XRCC4: variants seen among roughly 807,000 people sequenced by gnomAD.
The protein encoded by XRCC4 is DNA repair protein XRCC4.
Under a neutral mutation model 39.1 loss-of-function variants are expected in XRCC4, and 28 were observed. The observed-to-expected ratio is 0.72, with a 90% confidence interval of 0.53 to 0.98. XRCC4 has a LOEUF of 0.98. Among genes scored for constraint, XRCC4 ranks in the 50% least tolerant of loss-of-function variants. The probability of loss-of-function intolerance (pLI) is 0.00; values close to 1 mark genes in which losing one functional copy is unlikely to be tolerated. For missense variants in XRCC4, 350 were observed against 376.4 expected (o/e 0.93, Z 0.58); for synonymous variants, 123 against 126.4 (o/e 0.97, Z 0.18).
downstream of XRCC4, among the ~76,000 whole-genome samples, chr5:83,356,129 A>T (rs2112245411): frequency 6.6e-6 from 1 of 152,278 alleles, no homozygotes; most frequent in Middle Eastern, 3.4e-3. Flanking sequence ...ATATAATTAT[A>T]AACTATCAAA....
At chr5:83,192,319 A>ATTTTTTTTTTT (rs1554063299) in intron 3 of XRCC4, among the ~76,000 whole-genome samples, 2 of 143,500 alleles carry the variant, frequency 1.4e-5, no homozygotes, top group African/African-American at 5.2e-5. Flanking sequence ...ATATATATAT[A>ATTTTTTTTTTT]TTTTTTTGAG....
At chr5:83,204,964 T>A (rs914123934) in intron 6 of XRCC4, 43 bp downstream of exon 6, 1 of 1,336,208 alleles carries the variant, frequency 7.5e-7, no homozygotes, top group African/African-American at 1.4e-5. Context: ...AATATCTTAT[T>A]TGGGCTTCTT....
chr5:83,262,205 GAT>G (rs1753777029), intron 7 of XRCC4, among the ~76,000 whole-genome samples: 1 of 152,140 alleles, frequency 6.6e-6, no homozygotes, highest in South Asian at 2.1e-4. Flanking sequence ...GGCTCATAAA[GAT>G]ATAGTTCTTT....
At chr5:83,250,446 A>G (rs1458016303) in intron 6 of XRCC4, among the ~76,000 whole-genome samples, 4 of 152,218 alleles carry the variant, frequency 2.6e-5, no homozygotes, top group Non-Finnish European at 5.9e-5. Context: ...TTGAATATTT[A>G]TTGAGAAATT....
intron 3 of XRCC4, among the ~76,000 whole-genome samples, chr5:83,128,038 T>G (rs1747361530): frequency 6.6e-6 from 1 of 152,092 alleles, no homozygotes. Context: ...GTTTTTTACA[T>G]ATGTATACAT....
At chr5:83,370,854 C>A in the XRCC4 span, among the ~76,000 whole-genome samples, 1 of 152,174 alleles carries the variant, frequency 6.6e-6, no homozygotes, top group Non-Finnish European at 1.5e-5. Context: ...CATACCAAGT[C>A]TGTCTTCCTC....
intron 1 of XRCC4, among the ~76,000 whole-genome samples, chr5:83,086,670 C>G (rs1008357492): frequency 2.0e-5 from 3 of 152,022 alleles, no homozygotes; most frequent in Non-Finnish European, 4.4e-5. Context: ...GTTGGTGTAA[C>G]TTTTATTGAG....
chr5:83,098,483 A>G (rs896875255), intron 1 of XRCC4, among the ~76,000 whole-genome samples: 8 of 152,108 alleles, frequency 5.3e-5, no homozygotes, highest in African/African-American at 1.9e-4. Context: ...ATTAAAATGG[A>G]GTTAATTCTC....
At chr5:83,281,342 A>G (rs940035671) in intron 7 of XRCC4, among the ~76,000 whole-genome samples, 1 of 152,158 alleles carries the variant, frequency 6.6e-6, no homozygotes, top group Non-Finnish European at 1.5e-5. Flanking sequence ...GAGTCCCTAC[A>G]GTTCTCAAGA....
rs555094023 is a variant in XRCC4 at position 83,311,828 on chromosome 5, T to C, written c.894-41303T>C. On this transcript the variant is annotated intron_variant, in intron 7 of 7. Coordinates refer to ENST00000396027, the MANE Select transcript of XRCC4 (RefSeq NM_003401.5). ...AGTTTCTGTACCTATTTCTTCTTTA[T>C]AATAAAGGCTATTTATTAAATATTC... 2.0e-5 allele frequency among the ~76,000 whole-genome samples: 3 copies of C among 152,198 alleles called. No individual in the cohort carries two copies. In the East Asian group the frequency reaches 5.8e-4, roughly 29 times the overall value.
At chr5:83,233,622 T>C (rs867331680) in intron 6 of XRCC4, among the ~76,000 whole-genome samples, 2 of 151,734 alleles carry the variant, frequency 1.3e-5, no homozygotes, top group African/African-American at 2.4e-5. Flanking sequence ...GCACGGTGGC[T>C]CATGCCTGTA....
intron 7 of XRCC4, among the ~76,000 whole-genome samples, chr5:83,268,030 T>G (rs1228631575): frequency 6.6e-6 from 1 of 152,160 alleles, no homozygotes; most frequent in Non-Finnish European, 1.5e-5. Context: ...GAACAGAGCT[T>G]TACAAAAATT....
At chr5:83,302,499 G>A (rs1454377229) in intron 7 of XRCC4, among the ~76,000 whole-genome samples, 1 of 152,134 alleles carries the variant, frequency 6.6e-6, no homozygotes, top group Non-Finnish European at 1.5e-5. Context: ...CCCTGCTTCA[G>A]CTCTCCCTCT....
At chr5:83,309,266 CAAAAAAAAAAAA>C (rs59326460) in intron 7 of XRCC4, among the ~76,000 whole-genome samples, 5 of 17,386 alleles carry the variant, frequency 2.9e-4, no homozygotes, top group African/African-American at 6.4e-4. Context: ...GACTCCGTCT[CAAAAAAAAAAAA>C]AAAAAAAAAA....
At chr5:83,171,394 T>C (rs1318862148) in intron 3 of XRCC4, among the ~76,000 whole-genome samples, 1 of 152,140 alleles carries the variant, frequency 6.6e-6, no homozygotes, top group African/African-American at 2.4e-5. Context: ...GAGGACAAAA[T>C]ATAGTCTATA....
chr5:83,359,137 A>T, the XRCC4 span, among the ~76,000 whole-genome samples: 1 of 152,080 alleles, frequency 6.6e-6, no homozygotes, highest in South Asian at 2.1e-4. Flanking sequence ...CTTGCAAATG[A>T]CCCACGCTGC....
intron 7 of XRCC4, among the ~76,000 whole-genome samples, chr5:83,333,896 A>C (rs1263751273): frequency 6.6e-6 from 1 of 152,010 alleles, no homozygotes; most frequent in African/African-American, 2.4e-5. Context: ...CAGCCTTCCA[A>C]GTATCGGGGA....
chr5:83,210,704 A>C (rs1039967050), intron 6 of XRCC4, among the ~76,000 whole-genome samples: 2 of 152,214 alleles, frequency 1.3e-5, no homozygotes, highest in East Asian at 1.9e-4. Flanking sequence ...TTGTACATAC[A>C]TTCTCAAGAA....
chr5:83,113,427 C>A (rs1746543849), intron 3 of XRCC4, among the ~76,000 whole-genome samples: 1 of 152,172 alleles, frequency 6.6e-6, no homozygotes, highest in Non-Finnish European at 1.5e-5. Context: ...ACAGTGCAAG[C>A]TGTCGGTGGA....
Sources: gnomAD v4.1 joint callset for allele counts (sites outside exome capture counted in the v4.1 genomes callset) on GRCh38, gnomAD v4.1.1 for gene constraint, MANE v1.5 for transcripts, NCBI Gene and HGNC (gene_info 2026-07-23, HGNC 2026-07-21) for gene names.